The following TENM3 variants were observed in gnomAD, a reference collection of about 807,000 sequenced individuals.
TENM3 encodes teneurin transmembrane protein 3.
Under a neutral mutation model 255.1 loss-of-function variants are expected in TENM3, and 63 were observed. The observed-to-expected ratio is 0.25, with a 90% CI of 0.20 to 0.30. The LOEUF is 0.30. Ranked by LOEUF, TENM3 falls within the 10% of genes least tolerant of loss-of-function variation. The pLI is 1.00. For missense variants in TENM3, 2,929 were observed against 3,461.1 expected (o/e 0.85, Z 3.86); for synonymous variants, 1,306 against 1,322.3 (o/e 0.99, Z 0.27).
At chr4:181,561,535 T>C in the TENM3 span, among the ~76,000 whole-genome samples, 1 of 152,196 alleles carries the variant, frequency 6.6e-6, no homozygotes. Context: ...AGTAGTAACC[T>C]TTCACAAATT....
intron 1 of TENM3, among the ~76,000 whole-genome samples, chr4:182,322,763 C>T (rs1012697910): frequency 3.3e-5 from 5 of 152,088 alleles, no homozygotes; most frequent in Admixed American, 2.6e-4. Context: ...ACCAGAGACA[C>T]TGATTCTTTG....
the TENM3 span, among the ~76,000 whole-genome samples, chr4:181,557,692 A>ATT: frequency 6.9e-4 from 104 of 150,250 alleles, no homozygotes; most frequent in Non-Finnish European, 9.9e-4. Flanking sequence ...ACCCCCAGCT[A>ATT]TTTTTTTTTT....
chr4:182,151,852 A>G (rs888152754), intron 1 of TENM3, among the ~76,000 whole-genome samples: 1 of 152,036 alleles, frequency 6.6e-6, no homozygotes, highest in Admixed American at 6.6e-5. Context: ...AAACGAATCT[A>G]GTAATCTAAA....
the TENM3 span, among the ~76,000 whole-genome samples, chr4:181,731,951 GGGA>G: frequency 6.6e-6 from 1 of 152,104 alleles, no homozygotes; most frequent in Non-Finnish European, 1.5e-5. Flanking sequence ...TAAGATGAAT[GGGA>G]CATGGCCAGG....
chr4:182,020,508 A>G, the TENM3 span, among the ~76,000 whole-genome samples: 1 of 152,206 alleles, frequency 6.6e-6, no homozygotes, highest in East Asian at 1.9e-4. Flanking sequence ...GACTGTAGTT[A>G]ACAATAATAT....
the TENM3 span, among the ~76,000 whole-genome samples, chr4:181,517,977 G>A: frequency 1.3e-5 from 2 of 152,156 alleles, no homozygotes; most frequent in Non-Finnish European, 2.9e-5. Context: ...AAATCAGACG[G>A]AGGGATTAAC....
chr4:181,487,758 A>T, the TENM3 span, among the ~76,000 whole-genome samples: 3 of 152,114 alleles, frequency 2.0e-5, no homozygotes, highest in Non-Finnish European at 4.4e-5. Context: ...CACAGGGTCC[A>T]GAAAAGCATA....
chr4:182,552,437 G>C (rs1271421058), intron 3 of TENM3, among the ~76,000 whole-genome samples: 1 of 152,122 alleles, frequency 6.6e-6, no homozygotes, highest in Non-Finnish European at 1.5e-5. Flanking sequence ...TACCCTCCAG[G>C]ATATTTCAGT....
At chr4:181,745,561 C>A in the TENM3 span, among the ~76,000 whole-genome samples, 1 of 152,070 alleles carries the variant, frequency 6.6e-6, no homozygotes, top group South Asian at 2.1e-4. Flanking sequence ...GGGGATCAGG[C>A]CTACAGCAAG....
intron 1 of TENM3, among the ~76,000 whole-genome samples, chr4:182,279,081 A>G (rs1243040089): frequency 1.3e-5 from 2 of 152,310 alleles, no homozygotes; most frequent in South Asian, 4.1e-4. Context: ...GCACTGCACA[A>G]ACCAGCAATT....
At chr4:182,562,296 A>G (rs1343122006) in intron 3 of TENM3, among the ~76,000 whole-genome samples, 1 of 152,132 alleles carries the variant, frequency 6.6e-6, no homozygotes, top group Non-Finnish European at 1.5e-5. Context: ...AACTTATCCC[A>G]TCCTAGGAAT....
chr4:182,759,576 T>A (rs28664028), intron 22 of TENM3, among the ~76,000 whole-genome samples: 2 of 152,250 alleles, frequency 1.3e-5, no homozygotes, highest in African/African-American at 4.8e-5. Context: ...GTTGATCTTC[T>A]TATTCCAATA....
intron 1 of TENM3, among the ~76,000 whole-genome samples, chr4:182,249,654 G>A (rs952873219): frequency 2.6e-5 from 4 of 152,334 alleles, no homozygotes; most frequent in African/African-American, 7.2e-5. Flanking sequence ...AAGTGGTGGT[G>A]GTGGGGGTTG....
At chr4:182,740,888 A>G (rs1761553750) in intron 18 of TENM3, among the ~76,000 whole-genome samples, 1 of 152,214 alleles carries the variant, frequency 6.6e-6, no homozygotes, top group African/African-American at 2.4e-5. Flanking sequence ...ATTATAAAAT[A>G]TATTTAGGCC....
chr4:182,273,906 A>C (rs1759821939), intron 1 of TENM3, among the ~76,000 whole-genome samples: 1 of 152,264 alleles, frequency 6.6e-6, no homozygotes, highest in Admixed American at 6.5e-5. Flanking sequence ...GCATGGAAAT[A>C]GTTATCTTTC....
chr4:182,287,891 A>G (rs925043047), intron 1 of TENM3, among the ~76,000 whole-genome samples: 4 of 151,538 alleles, frequency 2.6e-5, no homozygotes, highest in African/African-American at 9.7e-5. Flanking sequence ...TGCTGGGATT[A>G]CAGGCGTGAG....
At chr4:182,247,916 C>T (rs1050511412) in intron 1 of TENM3, among the ~76,000 whole-genome samples, 1 of 152,202 alleles carries the variant, frequency 6.6e-6, no homozygotes, top group African/African-American at 2.4e-5. Flanking sequence ...GCTCCCCACG[C>T]AAACTCTTCT....
the TENM3 span, among the ~76,000 whole-genome samples, chr4:181,577,627 C>G: frequency 6.6e-6 from 1 of 152,132 alleles, no homozygotes; most frequent in Non-Finnish European, 1.5e-5. Context: ...ATATCCTATG[C>G]CACTCTGGGT....
chr4:182,105,761 T>G, the TENM3 span, among the ~76,000 whole-genome samples: 1 of 152,174 alleles, frequency 6.6e-6, no homozygotes, highest in African/African-American at 2.4e-5. Context: ...ATTGATTGAT[T>G]GTCCACATGA....
Sources: gnomAD v4.1 joint callset for allele counts (sites outside exome capture counted in the v4.1 genomes callset) on GRCh38, gnomAD v4.1.1 for gene constraint, MANE v1.5 for transcripts, NCBI Gene and HGNC (gene_info 2026-07-23, HGNC 2026-07-21) for gene names.